Variants in BNC2 observed in about 807,000 individuals in gnomAD.
BNC2 encodes the protein zinc finger protein basonuclin-2.
Under a neutral mutation model 76.3 loss-of-function variants are expected in BNC2, and 20 were observed. That is an observed-to-expected ratio of 0.26 (90% CI 0.18 to 0.38). BNC2 has a LOEUF of 0.38. Among genes scored for constraint, BNC2 ranks in the 10% least tolerant of loss-of-function variants. BNC2 has a pLI of 1.00. For missense variants in BNC2, 1,382 were observed against 1,399.8 expected (o/e 0.99, Z 0.20); for synonymous variants, 582 against 514.8 (o/e 1.13, Z -1.77).
intron 1 of BNC2, among the ~76,000 whole-genome samples, chr9:16,776,584 T>A (rs1487160246): frequency 6.6e-6 from 1 of 152,210 alleles, no homozygotes; most frequent in East Asian, 1.9e-4. Flanking sequence ...AATATCCCAA[T>A]TTAGAGCAAC....
chr9:16,530,179 TA>T (rs1260343779), intron 5 of BNC2, among the ~76,000 whole-genome samples: 3 of 151,324 alleles, frequency 2.0e-5, no homozygotes, highest in South Asian at 4.2e-4. Flanking sequence ...TTTTTTTTTT[TA>T]AAAAAGCCTT....
rs77352087 is a variant in BNC2, at chr9:16,687,075, C to T, written c.330+40722G>A. Among the ~76,000 whole-genome samples, 11 of 151,824 alleles carry T rather than the reference C, an allele frequency of 7.2e-5. No homozygotes were observed. In the East Asian group the frequency reaches 1.4e-3, roughly 19 times the overall value. ...AGTATGAGCATCTCCAGTCTACAAA[C>T]GAAAAAACTGAGGCTTAGAGTAGGT... On this transcript the variant is annotated intron_variant, in intron 3 of 6. Coordinates refer to ENST00000380672, the MANE Select transcript of BNC2 (RefSeq NM_017637.6).
At chr9:16,513,988 T>A (rs988791910) in intron 5 of BNC2, among the ~76,000 whole-genome samples, 1 of 152,154 alleles carries the variant, frequency 6.6e-6, no homozygotes, top group African/African-American at 2.4e-5. Flanking sequence ...TTTTCAAAAA[T>A]ATTAGCAAGA....
chr9:16,855,997 T>A (rs1033745301), intron 1 of BNC2, among the ~76,000 whole-genome samples: 1 of 152,194 alleles, frequency 6.6e-6, no homozygotes, highest in Non-Finnish European at 1.5e-5. Flanking sequence ...ACTTCAGGAA[T>A]GCAATTTGAC....
chr9:16,763,923 C>G (rs1825620956), intron 1 of BNC2, among the ~76,000 whole-genome samples: 1 of 152,186 alleles, frequency 6.6e-6, no homozygotes, highest in Non-Finnish European at 1.5e-5. Context: ...CTGCTGAACA[C>G]TAATCACTCC....
chr9:16,703,719 G>A (rs1478507492), intron 3 of BNC2, among the ~76,000 whole-genome samples: 1 of 152,100 alleles, frequency 6.6e-6, no homozygotes, highest in Non-Finnish European at 1.5e-5. Flanking sequence ...TATATAACAT[G>A]TACTTAAAAC....
intron 3 of BNC2, among the ~76,000 whole-genome samples, chr9:16,707,498 G>A (rs372899786): frequency 1.3e-5 from 2 of 152,242 alleles, no homozygotes; most frequent in South Asian, 2.1e-4. Context: ...ATGAAAAGAG[G>A]TCTGTGAAGT....
intron 3 of BNC2, among the ~76,000 whole-genome samples, chr9:16,614,719 G>A (rs1225658656): frequency 6.6e-6 from 1 of 152,020 alleles, no homozygotes; most frequent in Non-Finnish European, 1.5e-5. Context: ...GGCTGAGGCA[G>A]GAGGATCCCT....
At chr9:16,840,149 T>C (rs1046239076) in intron 1 of BNC2, among the ~76,000 whole-genome samples, 2 of 17,142 alleles carry the variant, frequency 1.2e-4, no homozygotes, top group African/African-American at 2.5e-4. Flanking sequence ...AGTGACAGAG[T>C]CTGGGTTAGA....
chr9:16,660,655 G>A (rs1390464709), intron 3 of BNC2, among the ~76,000 whole-genome samples: 1 of 152,064 alleles, frequency 6.6e-6, no homozygotes, highest in African/African-American at 2.4e-5. Flanking sequence ...TCCACAGAAT[G>A]TGCCAGCCAA....
chr9:16,629,397 G>A (rs970614242), intron 3 of BNC2, among the ~76,000 whole-genome samples: 1 of 152,170 alleles, frequency 6.6e-6, no homozygotes, highest in Admixed American at 6.5e-5. Flanking sequence ...AGAAGATCTT[G>A]GCCTCTGTGG....
intron 1 of BNC2, among the ~76,000 whole-genome samples, chr9:16,854,249 A>T (rs994058632): frequency 1.3e-5 from 2 of 152,266 alleles, no homozygotes; most frequent in Non-Finnish European, 2.9e-5. Context: ...ATGTGAAATT[A>T]AAGGTACAGC....
At chr9:16,635,684 G>T (rs2133793698) in intron 3 of BNC2, among the ~76,000 whole-genome samples, 1 of 152,194 alleles carries the variant, frequency 6.6e-6, no homozygotes, top group South Asian at 2.1e-4. Flanking sequence ...CAGATTTCTT[G>T]GCCAACTTTT....
Position 16,419,611 on chromosome 9 carries a change from G to C in BNC2, c.2678C>G (p.Thr893Ser). The C allele has an allele frequency of 6.4e-7, 1 of 1,560,058 alleles. No homozygotes were observed. Among genetic ancestry groups the C allele is most frequent in the Non-Finnish European group, 8.7e-7 (1 of 1,148,896 alleles). Residue 893 changes from threonine to serine, a missense_variant, in exon 7 of 7, where the codon ACC becomes AGC. Coordinates refer to ENST00000380672, the MANE Select transcript of BNC2 (RefSeq NM_017637.6). ...ANINLHRKLL[T>S]KELDDMGLDS... ...CAGGCCCATGTCATCGAGTTCTTTG[G>C]TCAACAGTTTACGATGTAGGTTTAT...
In BNC2 at chr9:16,681,165, C is replaced by T. The variant is rs574338068; in HGVS notation, c.330+46632G>A. Among the ~76,000 whole-genome samples, 3 of 152,298 alleles carry T rather than the reference C, an allele frequency of 2.0e-5. No homozygotes were observed. In the South Asian group the frequency reaches 6.2e-4, roughly 32 times the overall value. On this transcript the variant is annotated intron_variant, in intron 3 of 6. Coordinates refer to ENST00000380672, the MANE Select transcript of BNC2 (RefSeq NM_017637.6). Reference sequence around the variant, plus strand: ...CTTGCAGCAAGCAGACAATAGGAAACTCTTAGCACTCCCAGAGTTACGTCA... The same window carrying T: ...CTTGCAGCAAGCAGACAATAGGAAATTCTTAGCACTCCCAGAGTTACGTCA...
chr9:16,439,588 T>A (rs1821085484), intron 5 of BNC2, among the ~76,000 whole-genome samples: 1 of 152,166 alleles, frequency 6.6e-6, no homozygotes, highest in African/African-American at 2.4e-5. Context: ...GCATAAGGGA[T>A]CTGTACTGCT....
At chr9:16,427,522 G>C (rs1820825597) in intron 6 of BNC2, among the ~76,000 whole-genome samples, 1 of 152,196 alleles carries the variant, frequency 6.6e-6, no homozygotes, top group South Asian at 2.1e-4. Flanking sequence ...TAAACATTTT[G>C]CAGCTCTGGA....
chr9:16,468,566 T>A (rs1373816845), intron 5 of BNC2, among the ~76,000 whole-genome samples: 2 of 152,016 alleles, frequency 1.3e-5, no homozygotes, highest in Non-Finnish European at 2.9e-5. Context: ...TGGCTACTTT[T>A]TGTATTTTTA....
At chr9:16,497,687 T>C (rs1822419148) in intron 5 of BNC2, among the ~76,000 whole-genome samples, 1 of 152,052 alleles carries the variant, frequency 6.6e-6, no homozygotes, top group Non-Finnish European at 1.5e-5. Flanking sequence ...GTAAAAGTCA[T>C]TTAGATTGGG....
Sources: gnomAD v4.1 joint callset for allele counts (sites outside exome capture counted in the v4.1 genomes callset) on GRCh38, gnomAD v4.1.1 for gene constraint, MANE v1.5 for transcripts, NCBI Gene and HGNC (gene_info 2026-07-23, HGNC 2026-07-21) for gene names.